CPEB3: variants seen among roughly 807,000 people sequenced by gnomAD.
CPEB3 encodes the protein cytoplasmic polyadenylation element binding protein 3.
CPEB3 carries 20 observed loss-of-function variants against 67.2 expected under a neutral mutation model. The ratio of observed to expected loss-of-function variants is 0.30; its 90% CI spans 0.21 to 0.43. The LOEUF is 0.43. CPEB3 is among the 20% of genes least tolerant of loss of function. The probability of loss-of-function intolerance (pLI) is 1.00; values close to 1 mark genes in which losing one functional copy is unlikely to be tolerated. For synonymous variants in CPEB3, 376 were observed against 393.1 expected (o/e 0.96, Z 0.51); for missense variants, 746 against 968.6 (o/e 0.77, Z 3.05).
chr10:92,132,761 T>C (rs1220936349), intron 6 of CPEB3, among the ~76,000 whole-genome samples: 3 of 152,160 alleles, frequency 2.0e-5, no homozygotes, highest in Non-Finnish European at 4.4e-5. Flanking sequence ...GACAACATAG[T>C]TGGAAGTAAA....
intron 6 of CPEB3, chr10:92,119,203 T>C: frequency 6.3e-7 from 1 of 1,581,898 alleles, no homozygotes. Flanking sequence ...TACACATTAT[T>C]ACATTCACCC....
chr10:92,150,667 A>C, intron 4 of CPEB3, among the ~76,000 whole-genome samples: 1 of 152,196 alleles, frequency 6.6e-6, no homozygotes, highest in Non-Finnish European at 1.5e-5. Context: ...GACATGTGTT[A>C]CTAGAAACTG....
intron 3 of CPEB3, among the ~76,000 whole-genome samples, chr10:92,182,835 A>AG (rs1432986201): frequency 6.6e-6 from 1 of 151,838 alleles, no homozygotes; most frequent in East Asian, 1.9e-4. Flanking sequence ...CAAAAAAAAA[A>AG]AAAAAAAAAG....
At chr10:92,289,736 T>A (rs866890887) in intron 1 of CPEB3, among the ~76,000 whole-genome samples, 5,994 of 49,216 alleles carry the variant, frequency 0.12, 400 homozygotes, top group African/African-American at 0.24. Context: ...AAAAAAAATA[T>A]ATATATATAT....
chr10:92,058,598 T>C (rs1035915208), intron 9 of CPEB3, among the ~76,000 whole-genome samples: 529 of 149,786 alleles, frequency 3.5e-3, no homozygotes, highest in East Asian at 6.2e-3. Flanking sequence ...CATACATATA[T>C]ATATATATAT....
intron 1 of CPEB3, among the ~76,000 whole-genome samples, chr10:92,253,836 TA>T (rs1286527767): frequency 1.3e-5 from 2 of 152,170 alleles, no homozygotes; most frequent in African/African-American, 4.8e-5. Flanking sequence ...GGGGGAGCCT[TA>T]GGTCTGTGTC....
chr10:92,202,847 T>C (rs1849580737), intron 2 of CPEB3, among the ~76,000 whole-genome samples: 1 of 152,008 alleles, frequency 6.6e-6, no homozygotes, highest in Non-Finnish European at 1.5e-5. Flanking sequence ...AACCGCTACA[T>C]TGTATATTTT....
intron 1 of CPEB3, among the ~76,000 whole-genome samples, chr10:92,289,597 T>A (rs1038513888): frequency 8.0e-5 from 12 of 149,978 alleles, no homozygotes; most frequent in Non-Finnish European, 1.8e-4. Flanking sequence ...TATTAGACAC[T>A]GGTCACATGC....
At chr10:92,082,159 G>A (rs1271147094) in intron 8 of CPEB3, among the ~76,000 whole-genome samples, 1 of 152,090 alleles carries the variant, frequency 6.6e-6, no homozygotes. Context: ...ACCTACCACA[G>A]AGCACTAAGG....
chr10:92,094,925 G>A (rs1843790793), intron 7 of CPEB3, among the ~76,000 whole-genome samples: 1 of 151,968 alleles, frequency 6.6e-6, no homozygotes, highest in Non-Finnish European at 1.5e-5. Flanking sequence ...ACCTGGTAAG[G>A]TAATTCCAAT....
chr10:92,128,559 A>C (rs562751736), intron 6 of CPEB3, among the ~76,000 whole-genome samples: 2 of 152,322 alleles, frequency 1.3e-5, no homozygotes, highest in East Asian at 3.9e-4. Context: ...GAGTGAACAG[A>C]CAACCTACAG....
At chr10:92,162,053 G>T (rs1159944247) in intron 4 of CPEB3, among the ~76,000 whole-genome samples, 1 of 152,006 alleles carries the variant, frequency 6.6e-6, no homozygotes, top group African/African-American at 2.4e-5. Context: ...GATATAACAA[G>T]ATACAATATT....
intron 1 of CPEB3, among the ~76,000 whole-genome samples, chr10:92,250,831 A>G (rs1438413635): frequency 6.7e-6 from 1 of 149,804 alleles, no homozygotes; most frequent in African/African-American, 2.5e-5. Flanking sequence ...CTGGGACTAC[A>G]GGCGCCTGCC....
At chr10:92,114,552 T>C (rs1194725778) in intron 6 of CPEB3, among the ~76,000 whole-genome samples, 1 of 152,228 alleles carries the variant, frequency 6.6e-6, no homozygotes, top group Non-Finnish European at 1.5e-5. Flanking sequence ...TAACAGCTAA[T>C]AGCTAACATT....
intron 9 of CPEB3, among the ~76,000 whole-genome samples, chr10:92,056,813 A>C (rs1384225852): frequency 6.6e-6 from 1 of 152,002 alleles, no homozygotes; most frequent in Non-Finnish European, 1.5e-5. Flanking sequence ...TCCAAAAGAG[A>C]CCTCTTCCTT....
intron 1 of CPEB3, among the ~76,000 whole-genome samples, chr10:92,282,449 G>C (rs573707161): frequency 4.0e-4 from 61 of 152,290 alleles, no homozygotes; most frequent in African/African-American, 1.3e-3. Flanking sequence ...CAGCACTTTG[G>C]GAGGCCAAGG....
At position 92,184,418 on chromosome 10, in the gene CPEB3, C is replaced by T. The variant is rs575411308; in HGVS notation, c.1166-3399G>A. On this transcript the variant is annotated intron_variant, in intron 3 of 9. Coordinates refer to ENST00000265997, the MANE Select transcript of CPEB3 (RefSeq NM_014912.5). ...AAGAGATAAAGACCATCCTGGCCAA[C>T]GTGGTGAAACCCCATCTCTACTAAA... 8.5e-5 allele frequency among the ~76,000 whole-genome samples: 13 copies of T among 152,244 alleles called. No individual in the cohort carries two copies. In the South Asian group the frequency reaches 2.1e-3, roughly 24 times the overall value.
At chr10:92,195,835 T>G (rs1590358086) in intron 2 of CPEB3, among the ~76,000 whole-genome samples, 1 of 152,308 alleles carries the variant, frequency 6.6e-6, no homozygotes, top group East Asian at 1.9e-4. Flanking sequence ...GAGCCCTCAA[T>G]GCCAAAACCT....
chr10:92,120,299 G>A (rs1251986369), intron 6 of CPEB3, among the ~76,000 whole-genome samples: 2 of 146,326 alleles, frequency 1.4e-5, no homozygotes, highest in African/African-American at 5.0e-5. Flanking sequence ...AAACCAAATT[G>A]CTAGGCCGGG....
Sources: gnomAD v4.1 joint callset for allele counts (sites outside exome capture counted in the v4.1 genomes callset) on GRCh38, gnomAD v4.1.1 for gene constraint, MANE v1.5 for transcripts, NCBI Gene and HGNC (gene_info 2026-07-23, HGNC 2026-07-21) for gene names.